Variants in CATSPERG observed in about 807,000 individuals in gnomAD.
The protein encoded by CATSPERG is cation channel sperm-associated auxiliary subunit gamma.
In CATSPERG, 115 loss-of-function variants were observed where a neutral mutation model predicts 145.0. The ratio of observed to expected loss-of-function variants is 0.79; its 90% CI spans 0.68 to 0.93. The LOEUF is 0.93. Among genes scored for constraint, CATSPERG ranks in the 40% least tolerant of loss-of-function variants. The probability of loss-of-function intolerance (pLI) is 0.00; values close to 1 mark genes in which losing one functional copy is unlikely to be tolerated. For missense variants in CATSPERG, 1,296 were observed against 1,490.1 expected (o/e 0.87, Z 2.14); for synonymous variants, 588 against 589.0 (o/e 1.00, Z 0.02).
At chr19:38,342,216 A>AAAATAAATAAATAAATAAATAAATAAAT (rs202060544) in intron 3 of CATSPERG, among the ~76,000 whole-genome samples, 6 of 148,628 alleles carry the variant, frequency 4.0e-5, no homozygotes, top group African/African-American at 1.2e-4. Flanking sequence ...TCCCATGTAA[A>AAAATAAATAAATAAATAAATAAATAAAT]AAATAAATAA....
chr19:38,370,052 TGGTGAGCAATA>T lies in CATSPERG; in HGVS notation c.3109_3113+6del, dbSNP rs769369920. Reference sequence around the variant, plus strand: ...GCCCCTGAATTCTTCTTCAAGGTGTTGGTGAGCAATAGGTGAGCCAGGCAAGTGGCCCAGGT... The same window carrying T: ...GCCCCTGAATTCTTCTTCAAGGTGTTGGTGAGCCAGGCAAGTGGCCCAGGT... On this transcript the variant is annotated frameshift_variant and splice_region_variant, in exon 27 of 29. Coordinates refer to ENST00000409235, the MANE Select transcript of CATSPERG (RefSeq NM_021185.5). LOFTEE classifies it high-confidence loss of function. The T allele has an allele frequency of 3.7e-6, 6 of 1,614,176 alleles. No homozygotes were observed. In the East Asian group the frequency reaches 1.3e-4, roughly 36 times the overall value.
At chr19:38,342,549 G>A (rs1297692189) in intron 3 of CATSPERG, among the ~76,000 whole-genome samples, 3 of 150,262 alleles carry the variant, frequency 2.0e-5, no homozygotes, top group South Asian at 2.1e-4. Context: ...GCAGTGAGTC[G>A]AGATCATGCC....
At chr19:38,344,142 C>T (rs768457806) in intron 5 of CATSPERG, 23 bp downstream of exon 5, 261 of 1,551,232 alleles carry the variant, frequency 1.7e-4, no homozygotes, top group Middle Eastern at 6.7e-4. Flanking sequence ...AAGACGGGGG[C>T]TGGGGTGGAC....
intron 2 of CATSPERG, 40 bp from the exon 3 acceptor site, chr19:38,337,553 C>G (rs1180950201): frequency 1.3e-6 from 2 of 1,551,736 alleles, no homozygotes; most frequent in African/African-American, 1.4e-5. Context: ...AACCCGCACT[C>G]CACTCATTTC....
Position 38,367,493 on chromosome 19 carries a change from C to G in CATSPERG, c.2771-16C>G, listed in dbSNP as rs1970472901. 1.2e-6 allele frequency: 2 copies of G among 1,612,146 alleles called. No individual in the cohort carries two copies. Among genetic ancestry groups the G allele is most frequent in the Admixed American group, 1.7e-5 (1 of 59,672 alleles). ...CTAATTTCTTCTTCTGGTCTCAATC[C>G]CCTCCAACCCCATAGTTTTCTACCC... On this transcript the variant is annotated splice_polypyrimidine_tract_variant and intron_variant, in intron 23 of 28. Transcript: ENST00000409235.
intron 20 of CATSPERG, among the ~76,000 whole-genome samples, chr19:38,363,910 C>T (rs1970398302): frequency 6.6e-6 from 1 of 152,256 alleles, no homozygotes; most frequent in Non-Finnish European, 1.5e-5. Flanking sequence ...ATCTTTTCCC[C>T]ACCCTTCCCC....
In CATSPERG at chr19:38,352,355, T is replaced by G. The variant is rs1036066382; in HGVS notation, c.920T>G (p.Leu307Arg). 6.4e-7 allele frequency: 1 copy of G among 1,551,804 alleles called. No homozygotes were observed. The highest frequency in any genetic ancestry group is 2.0e-5 in the Admixed American group (1 of 50,982). ...GACACTATTGCCACCGAGAGCACCC[T>G]CTTCATTCGGCAGAACCAGCTGGTC... is the stretch of plus-strand genomic sequence containing the variant. The part of the protein sequence containing the change: ...IYDTIATEST[L>R]FIRQNQLVYY... The change falls in exon 8 of 29, where the codon CTC becomes CGC. Residue 307 changes from leucine (L) to arginine (R), a missense_variant. Coordinates refer to ENST00000409235, the MANE Select transcript of CATSPERG (RefSeq NM_021185.5).
Position 38,344,856 on chromosome 19 carries a change from G to GACACACACACACACACACACACACAC in CATSPERG, c.669+490_669+515dup, listed in dbSNP as rs34101460. Among the ~76,000 whole-genome samples the GACACACACACACACACACACACACAC allele has an allele frequency of 1.8e-4, 17 of 92,352 alleles. 2 individuals carry two copies. The highest frequency in any genetic ancestry group is 1.5e-4 in the Non-Finnish European group (7 of 47,926). The allele number at this position is 92,352 out of a possible 152,430, so 60.6% of individuals were successfully genotyped here. ...ATATGTATATACCTGTACATGAACA[G>GACACACACACACACACACACACACAC]ACACACACACACACACACACACACA... On this transcript the variant is annotated intron_variant, in intron 6 of 28. Transcript: ENST00000409235.
chr19:38,353,521 T>C (rs1970185850), intron 8 of CATSPERG, among the ~76,000 whole-genome samples: 1 of 151,608 alleles, frequency 6.6e-6, no homozygotes, highest in African/African-American at 2.4e-5. Context: ...ACCCCGTCTC[T>C]ACTAAAAATA....
Position 38,370,022 on chromosome 19 carries a change from T to C in CATSPERG, c.3071T>C (p.Ile1024Thr). 1 of 1,614,208 alleles carries C rather than the reference T, an allele frequency of 6.2e-7. No individual in the cohort carries two copies. Among genetic ancestry groups the C allele is most frequent in the Non-Finnish European group, 8.5e-7 (1 of 1,180,034 alleles). Residue 1024 changes from isoleucine (I) to threonine (T), a missense_variant, in exon 27 of 29, where the codon ATC becomes ACC. Physicochemically the swap from Ile to Thr is moderately conservative, Grantham distance 89. Transcript: ENST00000409235. ...TGCTATGACAATGTTCCCCAAGGCATCTTTGCCCCTGAATTCTTCTTCAAG... is the reference window on the plus strand; with the variant it reads ...TGCTATGACAATGTTCCCCAAGGCACCTTTGCCCCTGAATTCTTCTTCAAG... ...APCYDNVPQG[I>T]FAPEFFFKVL...
chr19:38,368,362 T>G (rs1361544549), intron 26 of CATSPERG, among the ~76,000 whole-genome samples: 1 of 152,198 alleles, frequency 6.6e-6, no homozygotes, highest in Admixed American at 6.5e-5. Flanking sequence ...CCAGGAGGAC[T>G]TTTCTGTTTC....
chr19:38,336,373 C>T, intron 1 of CATSPERG: 1 of 344,924 alleles, frequency 2.9e-6, no homozygotes, highest in Non-Finnish European at 5.9e-6. Context: ...GCGACGGGCC[C>T]GCGCGGGAAG....
rs1215972834 is a variant in CATSPERG, at chr19:38,366,701, C to CTT, written c.2614-439_2614-438dup. 5.9e-5 allele frequency: 8 copies of CTT among 136,328 alleles called. No homozygotes were observed. The East Asian group carries it at 6.5e-4, about 11-fold the overall frequency. 8.4% of individuals were successfully genotyped at this position (136,328 alleles called of 1,614,324 possible). A position where few individuals can be genotyped will look rare whatever the true frequency, so the allele number is the denominator to read the frequency against. On this transcript the variant is annotated intron_variant, in intron 22 of 28. Coordinates refer to ENST00000409235, the MANE Select transcript of CATSPERG (RefSeq NM_021185.5). ...GGGAGAGAACAGGCAGGCTCTCGGT[C>CTT]TTTTTTTTTTTTTTTTTGAGACAGA...
chr19:38,346,358 T>C (rs1268379437), intron 6 of CATSPERG, 92 bp from the exon 7 acceptor site: 1 of 1,233,928 alleles, frequency 8.1e-7, no homozygotes, highest in Admixed American at 2.8e-5. Context: ...GCGTGGGGCC[T>C]TGTGGGTCCA....
intron 16 of CATSPERG, 113 bp from the exon 17 acceptor site, chr19:38,361,535 A>T (rs1165357494): frequency 2.4e-6 from 2 of 832,960 alleles, no homozygotes; most frequent in African/African-American, 3.4e-5. Flanking sequence ...GAGGAGGAAG[A>T]TTCGGGCTGG....
intron 3 of CATSPERG, among the ~76,000 whole-genome samples, chr19:38,338,545 C>T (rs1247932220): frequency 1.3e-5 from 2 of 152,002 alleles, no homozygotes; most frequent in Admixed American, 1.3e-4. Context: ...TTTTCTGAGG[C>T]AGGGTCTCAC....
rs943232184 is a variant in CATSPERG at position 38,337,595 on chromosome 19, A to G, written c.273A>G (p.Lys91=). 1 of 1,551,762 alleles carries G rather than the reference A, an allele frequency of 6.4e-7. No homozygotes were observed. The highest frequency in any genetic ancestry group is 8.7e-7 in the Non-Finnish European group (1 of 1,147,002). ...TGTGGCCTAACCTCTCTTTGCAGAA[A>G]TACCTGGGCTTCCCTTACTACCTGA... ...LVDSPIDPSE[K]YLGFPYYLKI... The change falls in exon 3 of 29, where the codon AAA becomes AAG. Residue 91 remains lysine, a splice_region_variant and synonymous_variant. Transcript: ENST00000409235.
chr19:38,337,708 TTTTA>T (rs753927583), intron 3 of CATSPERG, 62 bp downstream of exon 3: 8 of 1,345,194 alleles, frequency 5.9e-6, no homozygotes, highest in African/African-American at 1.5e-5. Flanking sequence ...CCTCTAACAT[TTTTA>T]TTTATTTATT....
At chr19:38,345,132 C>T (rs997393801) in intron 6 of CATSPERG, among the ~76,000 whole-genome samples, 3 of 151,376 alleles carry the variant, frequency 2.0e-5, no homozygotes, top group Non-Finnish European at 4.4e-5. Flanking sequence ...CTTGCTGTGT[C>T]GCCCAGGCTA....
Sources: allele counts gnomAD v4.1 joint callset (sites outside exome capture counted in the v4.1 genomes callset), GRCh38; gene constraint gnomAD v4.1.1; transcripts MANE v1.5; gene names NCBI Gene and HGNC (gene_info 2026-07-23, HGNC 2026-07-21).